Variants in ST6GALNAC3 observed in about 807,000 individuals in gnomAD.
The protein encoded by ST6GALNAC3 is alpha-N-acetylgalactosaminide alpha-2,6-sialyltransferase 3.
ST6GALNAC3 carries 25 observed loss-of-function variants against 32.7 expected under a neutral mutation model. The observed-to-expected ratio is 0.76, with a 90% confidence interval of 0.56 to 1.07. ST6GALNAC3 has a LOEUF of 1.07. Among genes scored for constraint, ST6GALNAC3 ranks in the 50% least tolerant of loss-of-function variants. The pLI, the probability that ST6GALNAC3 is intolerant of heterozygous loss-of-function variation, is 0.00. For synonymous variants in ST6GALNAC3, 129 were observed against 133.1 expected, an observed-to-expected ratio of 0.97 and a Z score of 0.21; for missense variants, 355 against 382.4, an observed-to-expected ratio of 0.93 and a Z score of 0.60.
At chr1:76,331,043 A>G (rs936990959) in intron 2 of ST6GALNAC3, among the ~76,000 whole-genome samples, 4 of 152,216 alleles carry the variant, frequency 2.6e-5, no homozygotes, top group African/African-American at 9.7e-5. Flanking sequence ...AGAGGAAGGT[A>G]AAAATGAATA....
chr1:76,565,208 C>G (rs143027164), intron 3 of ST6GALNAC3, among the ~76,000 whole-genome samples: 2 of 152,272 alleles, frequency 1.3e-5, no homozygotes, highest in East Asian at 3.9e-4. Context: ...GGACACACCC[C>G]TTTAAAGCTC....
intron 3 of ST6GALNAC3, among the ~76,000 whole-genome samples, chr1:76,517,071 G>T (rs1026326677): frequency 6.6e-6 from 1 of 151,018 alleles, no homozygotes; most frequent in African/African-American, 2.4e-5. Context: ...AATTTCTTTG[G>T]GATTCTTGCC....
chr1:76,405,804 G>T (rs541460700), intron 2 of ST6GALNAC3, among the ~76,000 whole-genome samples: 91 of 151,816 alleles, frequency 6.0e-4, no homozygotes, highest in African/African-American at 2.1e-3. Context: ...CTCTTACCCA[G>T]GAAAGAATTG....
intron 1 of ST6GALNAC3, among the ~76,000 whole-genome samples, chr1:76,289,791 G>A (rs1004331354): frequency 1.3e-5 from 2 of 152,194 alleles, no homozygotes; most frequent in African/African-American, 2.4e-5. Context: ...CCGCCTTAAG[G>A]CCATCACATT....
rs111811802 is a variant in ST6GALNAC3, at chr1:76,450,799, T to C, written c.623+38382T>C. Among the ~76,000 whole-genome samples the C allele has an allele frequency of 4.6e-5, 7 of 152,336 alleles. 1 individual carries two copies. Among genetic ancestry groups the C allele is most frequent in the African/African-American group, 1.7e-4 (7 of 41,574 alleles). On this transcript the variant is annotated intron_variant, in intron 3 of 4. Coordinates refer to ENST00000328299, the MANE Select transcript of ST6GALNAC3 (RefSeq NM_152996.4). Reference sequence around the variant, plus strand: ...TGCCAATTATCCCAGCACCATTTGTTGAATAGGGGGTCCTTTTCCCACTTC... The same window carrying C: ...TGCCAATTATCCCAGCACCATTTGTCGAATAGGGGGTCCTTTTCCCACTTC...
chr1:76,316,253 T>A (rs557876017), intron 2 of ST6GALNAC3, among the ~76,000 whole-genome samples: 3 of 152,120 alleles, frequency 2.0e-5, no homozygotes, highest in Non-Finnish European at 2.9e-5. Context: ...AAGATTTACA[T>A]GCTGTATGCC....
chr1:76,480,957 A>G (rs1209392769), intron 3 of ST6GALNAC3, among the ~76,000 whole-genome samples: 1 of 152,104 alleles, frequency 6.6e-6, no homozygotes, highest in Non-Finnish European at 1.5e-5. Context: ...TAATTGGCTC[A>G]TTTCCACAGT....
intron 2 of ST6GALNAC3, among the ~76,000 whole-genome samples, chr1:76,351,245 T>C (rs1389038604): frequency 6.6e-6 from 1 of 152,224 alleles, no homozygotes; most frequent in Non-Finnish European, 1.5e-5. Context: ...GAACAAATTA[T>C]GTAGCATAGT....
intron 3 of ST6GALNAC3, among the ~76,000 whole-genome samples, chr1:76,492,288 C>T (rs745389095): frequency 2.6e-5 from 4 of 151,914 alleles, no homozygotes; most frequent in Non-Finnish European, 2.9e-5. Context: ...ATAAATATAA[C>T]ACATATTTCA....
chr1:76,291,307 G>A (rs1311542454), intron 1 of ST6GALNAC3, among the ~76,000 whole-genome samples: 2 of 152,222 alleles, frequency 1.3e-5, no homozygotes, highest in African/African-American at 2.4e-5. Context: ...CAGGCAGGGT[G>A]CCCACCTCCA....
intron 1 of ST6GALNAC3, among the ~76,000 whole-genome samples, chr1:76,156,077 A>G (rs1321910163): frequency 2.0e-5 from 3 of 150,016 alleles, no homozygotes; most frequent in African/African-American, 7.3e-5. Flanking sequence ...GGAGTTTAGT[A>G]GAAGGTTCCT....
intron 3 of ST6GALNAC3, among the ~76,000 whole-genome samples, chr1:76,611,601 T>C (rs866670855): frequency 2.6e-5 from 4 of 152,192 alleles, no homozygotes; most frequent in Non-Finnish European, 4.4e-5. Flanking sequence ...GAAAAACTTA[T>C]AGTCCATTCC....
intron 3 of ST6GALNAC3, among the ~76,000 whole-genome samples, chr1:76,450,091 C>T (rs1293064188): frequency 2.0e-5 from 3 of 152,138 alleles, no homozygotes; most frequent in Non-Finnish European, 1.5e-5. Flanking sequence ...GGTACATATC[C>T]AGCAGTGGGA....
intron 2 of ST6GALNAC3, among the ~76,000 whole-genome samples, chr1:76,337,289 A>G (rs1309283667): frequency 6.6e-6 from 1 of 152,202 alleles, no homozygotes; most frequent in East Asian, 1.9e-4. Flanking sequence ...GCAGGACTCT[A>G]GAGTCTAGAG....
intron 2 of ST6GALNAC3, among the ~76,000 whole-genome samples, chr1:76,351,963 A>G (rs1248306644): frequency 3.9e-5 from 6 of 152,138 alleles, no homozygotes; most frequent in Admixed American, 3.3e-4. Flanking sequence ...GGCTTTTGAT[A>G]TTATAAATGT....
intron 2 of ST6GALNAC3, among the ~76,000 whole-genome samples, chr1:76,384,251 T>C (rs1651929555): frequency 6.6e-6 from 1 of 152,126 alleles, no homozygotes; most frequent in Non-Finnish European, 1.5e-5. Context: ...TGTACTGATA[T>C]TAGGCATTAT....
chr1:76,116,498 G>T (rs547859095), intron 1 of ST6GALNAC3, among the ~76,000 whole-genome samples: 2 of 152,264 alleles, frequency 1.3e-5, no homozygotes, highest in African/African-American at 2.4e-5. Flanking sequence ...AACCACAGAT[G>T]ATTGATCCAG....
chr1:76,297,852 A>G (rs866760002), intron 1 of ST6GALNAC3, among the ~76,000 whole-genome samples: 16 of 152,140 alleles, frequency 1.1e-4, no homozygotes, highest in Middle Eastern at 3.4e-3. Flanking sequence ...TTTCTTCTCT[A>G]TCTATCTGTC....
intron 1 of ST6GALNAC3, among the ~76,000 whole-genome samples, chr1:76,298,262 A>G (rs1660525699): frequency 6.6e-6 from 1 of 152,108 alleles, no homozygotes; most frequent in South Asian, 2.1e-4. Context: ...TTAATTGTGT[A>G]GAAAGAGGAG....
Sources: gnomAD v4.1 joint callset for allele counts (sites outside exome capture counted in the v4.1 genomes callset) on GRCh38, gnomAD v4.1.1 for gene constraint, MANE v1.5 for transcripts, NCBI Gene and HGNC (gene_info 2026-07-23, HGNC 2026-07-21) for gene names.